Variants in RUFY1 observed in about 807,000 individuals in gnomAD.
RUFY1 encodes the protein RUN and FYVE domain-containing protein 1.
A neutral mutation model predicts 94.6 loss-of-function variants in RUFY1; 54 were observed. The ratio of observed to expected loss-of-function variants is 0.57; its 90% CI spans 0.46 to 0.72. The LOEUF (loss-of-function observed/expected upper bound fraction) is 0.72, where lower values mean the gene tolerates loss of function less well. RUFY1 is among the 30% of genes least tolerant of loss of function. The pLI is 0.00. For missense variants in RUFY1, 883 were observed against 883.9 expected (o/e 1.00, Z 0.01); for synonymous variants, 396 against 347.3 (o/e 1.14, Z -1.56).
chr5:179,608,817 G>C (rs1002246387), intron 17 of RUFY1, among the ~76,000 whole-genome samples: 1 of 151,644 alleles, frequency 6.6e-6, no homozygotes, highest in African/African-American at 2.4e-5. Context: ...TGTAATCCCA[G>C]CTACTTGGGA....
At chr5:179,550,911 A>G (rs2127499139) in intron 1 of RUFY1, 32 bp downstream of exon 1, 2 of 1,095,260 alleles carry the variant, frequency 1.8e-6, no homozygotes, top group Non-Finnish European at 2.2e-6. Context: ...CCCGCGGCGG[A>G]CTCGCGTGTC....
intron 16 of RUFY1, chr5:179,606,889 C>T (rs1767143541): frequency 6.6e-6 from 1 of 152,554 alleles, no homozygotes; most frequent in Non-Finnish European, 1.5e-5. Context: ...CAGAAAAGTA[C>T]CTCATGCCTT....
In RUFY1 at chr5:179,562,669, G is replaced by A. The variant is rs760615308; in HGVS notation, c.602+5G>A. 2.2e-6 allele frequency: 3 copies of A among 1,364,822 alleles called. No individual in the cohort carries two copies. The highest frequency in any genetic ancestry group is 2.1e-6 in the Non-Finnish European group (2 of 956,302). 84.5% of individuals were successfully genotyped at this position (1,364,822 alleles called of 1,614,324 possible). On this transcript the variant is annotated splice_donor_5th_base_variant and intron_variant, in intron 3 of 17. Coordinates refer to ENST00000319449, the MANE Select transcript of RUFY1 (RefSeq NM_025158.5). Reference sequence around the variant, plus strand: ...CAGAAATCTTCCAGAATTAAAGTGAGTGAGAAGTAGTTCTGCCAATTTGAT... The same window carrying A: ...CAGAAATCTTCCAGAATTAAAGTGAATGAGAAGTAGTTCTGCCAATTTGAT...
chr5:179,584,456 TG>T lies in RUFY1; in HGVS notation c.957-1336del, dbSNP rs548951039. On this transcript the variant is annotated intron_variant, in intron 7 of 17. Coordinates refer to ENST00000319449, the MANE Select transcript of RUFY1 (RefSeq NM_025158.5). The stretch of plus-strand genomic sequence containing the variant: ...CAGTAGGATCTACCTCATTGAATTG[TG>T]GGGAAGATTAAATGAGTTGATGCAT... 2.4e-3 allele frequency among the ~76,000 whole-genome samples: 359 copies of T among 152,218 alleles called. 1 individual carries two copies. The highest frequency in any genetic ancestry group is 6.8e-3 in the Middle Eastern group (2 of 294).
At chr5:179,589,831 CG>C (rs1227442970) in intron 9 of RUFY1, among the ~76,000 whole-genome samples, 184 bp downstream of exon 9, 2 of 152,222 alleles carry the variant, frequency 1.3e-5, no homozygotes, top group African/African-American at 4.8e-5. Flanking sequence ...ATCCCTTGGA[CG>C]GGGACTCCCT....
chr5:179,562,648 A>T lies in RUFY1; in HGVS notation c.586A>T (p.Asn196Tyr). The T allele has an allele frequency of 6.4e-7, 1 of 1,561,510 alleles. No individual in the cohort carries two copies. The change falls in exon 3 of 18, where the codon AAT becomes TAT. Residue 196 changes from asparagine to tyrosine, a missense_variant. Asn to Tyr is a moderately radical substitution (Grantham distance 143, BLOSUM62 -2). Coordinates refer to ENST00000319449, the MANE Select transcript of RUFY1 (RefSeq NM_025158.5). ...ATCAGATATAGCGACTAGTGTCAGA[A>T]ATCTTCCAGAATTAAAGTGAGTGAG... ...EASDIATSVR[N>Y]LPELKTAVGR...
At chr5:179,590,185 C>T (rs1381171638) in intron 9 of RUFY1, among the ~76,000 whole-genome samples, 1 of 151,938 alleles carries the variant, frequency 6.6e-6, no homozygotes, top group African/African-American at 2.4e-5. Flanking sequence ...AACCCCGTCT[C>T]TACTAAAAAT....
At chr5:179,558,929 A>G (rs1442351625) in intron 1 of RUFY1, among the ~76,000 whole-genome samples, 1 of 152,262 alleles carries the variant, frequency 6.6e-6, no homozygotes, top group East Asian at 1.9e-4. Flanking sequence ...TCAGTAAGAC[A>G]AAGGCAAGCA....
intron 1 of RUFY1, among the ~76,000 whole-genome samples, chr5:179,553,913 T>A (rs1416865892): frequency 1.3e-5 from 2 of 152,158 alleles, no homozygotes; most frequent in Admixed American, 6.5e-5. Context: ...ATGAGGCTGG[T>A]CCCAAAGGTC....
Position 179,550,588 on chromosome 5 carries a change from G to T in RUFY1, c.19G>T (p.Gly7Cys), listed in dbSNP as rs1761764613. 3.1e-6 allele frequency: 4 copies of T among 1,286,636 alleles called. No individual in the cohort carries two copies. The highest frequency in any genetic ancestry group is 7.8e-5 in the East Asian group (2 of 25,778). The allele number at this position is 1,286,636 out of a possible 1,614,324, so 79.7% of individuals were successfully genotyped here. A position where few individuals can be genotyped will look rare whatever the true frequency, so the allele number is the denominator to read the frequency against. Residue 7 changes from glycine to cysteine, a missense_variant, in exon 1 of 18, where the codon GGC becomes TGC. Physicochemically the swap from Gly to Cys is radical, Grantham distance 159. Transcript: ENST00000319449. Reference sequence around the variant, plus strand: ...GGCCAAGATGGCCGACCGGGAAGGCGGCTGCGCTGCTGGGCGGGGGCGGGA... The same window carrying T: ...GGCCAAGATGGCCGACCGGGAAGGCTGCTGCGCTGCTGGGCGGGGGCGGGA... MADREG[G>C]CAAGRGRELE...
intron 1 of RUFY1, among the ~76,000 whole-genome samples, chr5:179,559,186 G>A (rs1184447795): frequency 6.6e-6 from 1 of 152,206 alleles, no homozygotes; most frequent in African/African-American, 2.4e-5. Flanking sequence ...TAAACTTTTA[G>A]TTTCTAGGAT....
At chr5:179,559,824 C>G (rs1331850601) in intron 1 of RUFY1, 12 of 1,336,116 alleles carry the variant, frequency 9.0e-6, no homozygotes, top group Admixed American at 3.5e-5. Context: ...GACCCAAGGC[C>G]CCGCCGTCCA....
Position 179,609,366 on chromosome 5 carries a change from C to G in RUFY1, c.1984-10C>G. On this transcript the variant is annotated splice_polypyrimidine_tract_variant and intron_variant, in intron 17 of 17. Coordinates refer to ENST00000319449, the MANE Select transcript of RUFY1 (RefSeq NM_025158.5). The stretch of plus-strand genomic sequence containing the variant: ...GGGTGTCCTGTGACCGCCTTCTTCC[C>G]GTCCTGTAGCACCACTGCCGGAACT... 1.9e-6 allele frequency: 3 copies of G among 1,612,424 alleles called. No homozygotes were observed. Among genetic ancestry groups the G allele is most frequent in the Non-Finnish European group, 2.5e-6 (3 of 1,179,472 alleles).
chr5:179,586,255 C>G (rs920257147), intron 8 of RUFY1: 5 of 453,726 alleles, frequency 1.1e-5, no homozygotes, highest in Non-Finnish European at 1.8e-5. Context: ...AGTATCCAGC[C>G]CACCCCTTCT....
Position 179,550,637 on chromosome 5 carries a change from G to A in RUFY1, c.68G>A (p.Gly23Glu). 1 of 1,393,004 alleles carries A rather than the reference G, an allele frequency of 7.2e-7. No homozygotes were observed. Among genetic ancestry groups the A allele is most frequent in the Non-Finnish European group, 9.2e-7 (1 of 1,081,994 alleles). The allele number at this position is 1,393,004 out of a possible 1,614,324, so 86.3% of individuals were successfully genotyped here. A position where few individuals can be genotyped will look rare whatever the true frequency, so the allele number is the denominator to read the frequency against. The change falls in exon 1 of 18, where the codon GGG becomes GAG. Residue 23 changes from glycine to glutamate, a missense_variant. By Grantham distance (98) the Gly-to-Glu change is moderately conservative. Coordinates refer to ENST00000319449, the MANE Select transcript of RUFY1 (RefSeq NM_025158.5). ...GRELEPELEPGPGPGSALEPG... is the reference protein window; with the variant it reads ...GRELEPELEPEPGPGSALEPG... ...GAGCTGGAGCCGGAGCTGGAGCCGG[G>A]GCCGGGGCCCGGGTCAGCGCTTGAG...
rs558244721 is a variant in RUFY1, at chr5:179,591,212, T to C, written c.1129-413T>C. On this transcript the variant is annotated intron_variant, in intron 9 of 17. Coordinates refer to ENST00000319449, the MANE Select transcript of RUFY1 (RefSeq NM_025158.5). ...GTTTTTTTTTGGTGGGGGGATGGAG[T>C]CTTGCCCTGTCGCCCAGGCTGGAGT... 4.0e-5 allele frequency among the ~76,000 whole-genome samples: 6 copies of C among 151,070 alleles called. No homozygotes were observed. In the South Asian group the frequency reaches 8.4e-4, roughly 21 times the overall value.
intron 4 of RUFY1, among the ~76,000 whole-genome samples, chr5:179,568,473 G>A (rs1478939485): frequency 6.6e-6 from 1 of 152,102 alleles, no homozygotes; most frequent in Non-Finnish European, 1.5e-5. Flanking sequence ...TCAAGTCATG[G>A]CTCATTGTCG....
intron 6 of RUFY1, among the ~76,000 whole-genome samples, chr5:179,580,249 T>TATATATATAG (rs1764028175): frequency 2.9e-5 from 1 of 34,786 alleles, no homozygotes; most frequent in Non-Finnish European, 8.8e-5. Flanking sequence ...GTGTATATTT[T>TATATATATAG]TTTTTTTTTT....
chr5:179,582,206 C>A (rs1019849276), intron 7 of RUFY1, among the ~76,000 whole-genome samples: 4 of 151,966 alleles, frequency 2.6e-5, no homozygotes, highest in Non-Finnish European at 4.4e-5. Flanking sequence ...CAGGAATAAA[C>A]TCCACTTGAT....
Sources: gnomAD v4.1 joint callset for allele counts (sites outside exome capture counted in the v4.1 genomes callset) on GRCh38, gnomAD v4.1.1 for gene constraint, MANE v1.5 for transcripts, NCBI Gene and HGNC (gene_info 2026-07-23, HGNC 2026-07-21) for gene names.